Variants in SCUBE2 observed in about 807,000 individuals in gnomAD.
SCUBE2 encodes the protein signal peptide, CUB domain and EGF like domain containing 2, also known as signal peptide, CUB and EGF-like domain-containing protein 2.
In SCUBE2, 114 loss-of-function variants were observed where a neutral mutation model predicts 125.9. The observed-to-expected ratio is 0.91, with a 90% confidence interval of 0.78 to 1.06. The LOEUF (loss-of-function observed/expected upper bound fraction) is 1.06. Ranked by LOEUF, SCUBE2 falls within the 50% of genes least tolerant of loss-of-function variation. The pLI, the probability that SCUBE2 is intolerant of heterozygous loss-of-function variation, is 0.00. For missense variants in SCUBE2, 1,255 were observed against 1,301.8 expected, an observed-to-expected ratio of 0.96 and a Z score of 0.55; for synonymous variants, 459 against 492.9, an observed-to-expected ratio of 0.93 and a Z score of 0.91.
intron 2 of SCUBE2, among the ~76,000 whole-genome samples, chr11:9,084,068 A>G (rs1178886248): frequency 1.3e-5 from 2 of 152,168 alleles, no homozygotes; most frequent in African/African-American, 4.8e-5. Context: ...ATTAAAAGGA[A>G]TCAGAGCTCC....
intron 19 of SCUBE2, among the ~76,000 whole-genome samples, chr11:9,029,389 T>TCTCCTA (rs1856078950): frequency 6.6e-6 from 1 of 152,106 alleles, no homozygotes; most frequent in Admixed American, 6.5e-5. Context: ...TAAGGCTCTT[T>TCTCCTA]CTCCTACTCT....
chr11:9,057,908 T>A (rs1403629115), intron 9 of SCUBE2, among the ~76,000 whole-genome samples: 1 of 152,194 alleles, frequency 6.6e-6, no homozygotes, highest in Non-Finnish European at 1.5e-5. Context: ...AGCACATCTT[T>A]CCTGAGAACT....
intron 1 of SCUBE2, among the ~76,000 whole-genome samples, chr11:9,090,144 GCA>G (rs1564859282): frequency 6.6e-6 from 1 of 152,152 alleles, no homozygotes; most frequent in Non-Finnish European, 1.5e-5. Flanking sequence ...GTATGGCTTT[GCA>G]TGCACACATC....
At chr11:9,086,094 A>G (rs571061421) in intron 2 of SCUBE2, among the ~76,000 whole-genome samples, 4 of 152,332 alleles carry the variant, frequency 2.6e-5, no homozygotes, top group African/African-American at 9.6e-5. Context: ...TCAGCCGCCC[A>G]AAGTGCTAGG....
intron 5 of SCUBE2, among the ~76,000 whole-genome samples, chr11:9,067,997 T>C (rs1231305289): frequency 6.6e-6 from 1 of 152,026 alleles, no homozygotes; most frequent in Non-Finnish European, 1.5e-5. Flanking sequence ...CTCTGCTAGC[T>C]CACTGGAAGC....
intron 20 of SCUBE2, 187 bp downstream of exon 20, chr11:9,027,177 A>G: frequency 1.6e-6 from 1 of 617,378 alleles, no homozygotes; most frequent in Non-Finnish European, 2.8e-6. Context: ...TCTGGGGCCC[A>G]GCAAGACGCT....
At position 9,075,175 on chromosome 11, in the gene SCUBE2, C is replaced by T. The variant is rs141776742; in HGVS notation, c.383-560G>A. ...CGAGCCGAGATCATGCCACTGCACT[C>T]CAGCCTGGGCCTCAGAGCGAGACGC... On this transcript the variant is annotated intron_variant, in intron 3 of 22. Coordinates refer to ENST00000649792, the MANE Select transcript of SCUBE2 (RefSeq NM_001367977.2). Among the ~76,000 whole-genome samples the T allele has an allele frequency of 9.7e-3, 1,452 of 150,034 alleles. 10 individuals are homozygous for T. The highest frequency in any genetic ancestry group is 0.013 in the Non-Finnish European group (910 of 67,750).
intron 12 of SCUBE2, 73 bp from the exon 13 acceptor site, chr11:9,052,905 C>G (rs574644588): frequency 8.0e-7 from 1 of 1,244,410 alleles, no homozygotes; most frequent in African/African-American, 1.5e-5. Context: ...CTAAACTGTC[C>G]CCCCACCCCA....
intron 18 of SCUBE2, 40 bp from the exon 19 acceptor site, chr11:9,030,085 A>G (rs1035091437): frequency 1.3e-6 from 2 of 1,588,906 alleles, no homozygotes; most frequent in Non-Finnish European, 1.7e-6. Flanking sequence ...AAAAAAAGAA[A>G]GATTATTTTT....
At chr11:9,032,978 G>C (rs1052564279) in intron 17 of SCUBE2, among the ~76,000 whole-genome samples, 2 of 152,108 alleles carry the variant, frequency 1.3e-5, no homozygotes, top group African/African-American at 2.4e-5. Context: ...GCAGCACGAG[G>C]GGTCTTCACT....
At chr11:9,053,327 C>G in intron 11 of SCUBE2, 112 bp from the exon 12 acceptor site, 1 of 880,454 alleles carries the variant, frequency 1.1e-6, no homozygotes, top group Non-Finnish European at 1.8e-6. Flanking sequence ...AGAGCTCATG[C>G]CCAGCACAGA....
chr11:9,079,779 A>G (rs1861488419), intron 2 of SCUBE2, among the ~76,000 whole-genome samples: 1 of 152,206 alleles, frequency 6.6e-6, no homozygotes, highest in Non-Finnish European at 1.5e-5. Flanking sequence ...TTTAAAAAAA[A>G]GAGAGAATGA....
chr11:9,037,711 A>T (rs1410832619), intron 16 of SCUBE2, among the ~76,000 whole-genome samples: 1 of 152,198 alleles, frequency 6.6e-6, no homozygotes, highest in Non-Finnish European at 1.5e-5. Flanking sequence ...GACTGCCCCC[A>T]TGATAACAGG....
At chr11:9,070,056 C>G (rs1860635141) in intron 4 of SCUBE2, among the ~76,000 whole-genome samples, 1 of 152,200 alleles carries the variant, frequency 6.6e-6, no homozygotes, top group Non-Finnish European at 1.5e-5. Flanking sequence ...TGTGACCACC[C>G]TCAGCCACTC....
chr11:9,031,060 C>A (rs1417200600), intron 17 of SCUBE2, 135 bp from the exon 18 acceptor site: 3 of 739,846 alleles, frequency 4.1e-6, no homozygotes, highest in Admixed American at 5.8e-5. Context: ...AGAGAGCACA[C>A]AGTCAATGCT....
At chr11:9,075,836 G>A (rs192734889) in intron 3 of SCUBE2, among the ~76,000 whole-genome samples, 29 of 152,332 alleles carry the variant, frequency 1.9e-4, no homozygotes, top group Middle Eastern at 3.4e-3. Context: ...CGGACAAGGT[G>A]CCTGCAGGGC....
chr11:9,058,191 G>A (rs373593471), intron 9 of SCUBE2, among the ~76,000 whole-genome samples: 101 of 152,234 alleles, frequency 6.6e-4, no homozygotes, highest in South Asian at 4.4e-3. Flanking sequence ...GGCCAGGTGC[G>A]GTGGCCCACG....
intron 2 of SCUBE2, 99 bp from the exon 3 acceptor site, chr11:9,079,608 G>T: frequency 8.1e-7 from 1 of 1,241,052 alleles, no homozygotes; most frequent in Non-Finnish European, 1.1e-6. Flanking sequence ...GAATCTACCT[G>T]AAAATACATC....
chr11:9,027,558 C>T lies in SCUBE2; in HGVS notation c.2507G>A (p.Arg836Lys). Residue 836 changes from arginine to lysine, a missense_variant, in exon 20 of 23, where the codon AGA becomes AAA. Arg to Lys is a conservative substitution (Grantham distance 26, BLOSUM62 2). This residue lies in a region of SCUBE2 where 515 missense variants were observed against 515.7 expected (regional missense o/e 1.00). Transcript: ENST00000649792. ...GSTNITQCKN[R>K]RCGGELGDFT... ...ATCTCCCAGCTCCCCTCCACATCTT[C>T]TGTCTGAAAAAGGAGATGCCCCGAG... 1.2e-6 allele frequency: 2 copies of T among 1,612,620 alleles called. No homozygotes were observed. The highest frequency in any genetic ancestry group is 1.7e-6 in the Non-Finnish European group (2 of 1,178,976).
Sources: allele counts gnomAD v4.1 joint callset (sites outside exome capture counted in the v4.1 genomes callset), GRCh38; gene constraint gnomAD v4.1.1; regional missense constraint gnomAD v4.1.1; transcripts MANE v1.5; gene names NCBI Gene and HGNC (gene_info 2026-07-23, HGNC 2026-07-21).